PLPP4: variants seen among roughly 807,000 people sequenced by gnomAD.
PLPP4 encodes the protein diacylglycerol pyrophosphate like 2.
A neutral mutation model predicts 32.2 loss-of-function variants in PLPP4; 20 were observed. The ratio of observed to expected loss-of-function variants is 0.62; its 90% CI spans 0.44 to 0.90. PLPP4 has a LOEUF of 0.90. PLPP4 is among the 40% of genes least tolerant of loss of function. The pLI, the probability that PLPP4 is intolerant of heterozygous loss-of-function variation, is 0.00. For synonymous variants in PLPP4, 127 were observed against 133.0 expected, an observed-to-expected ratio of 0.95 and a Z score of 0.31; for missense variants, 257 against 353.1, an observed-to-expected ratio of 0.73 and a Z score of 2.18.
chr10:120,477,491 T>C (rs1238204376), intron 1 of PLPP4, among the ~76,000 whole-genome samples: 1 of 152,228 alleles, frequency 6.6e-6, no homozygotes, highest in Non-Finnish European at 1.5e-5. Flanking sequence ...ACCTCCCATT[T>C]TTCTGCTCGC....
At chr10:120,538,915 G>A (rs1847200165) in intron 5 of PLPP4, among the ~76,000 whole-genome samples, 1 of 152,142 alleles carries the variant, frequency 6.6e-6, no homozygotes, top group Non-Finnish European at 1.5e-5. Flanking sequence ...CACAGAGCTG[G>A]CATTTATACC....
At chr10:120,582,940 G>T (rs553763722) in intron 6 of PLPP4, among the ~76,000 whole-genome samples, 1 of 151,880 alleles carries the variant, frequency 6.6e-6, no homozygotes, top group East Asian at 1.9e-4. Context: ...GGGCTATTTT[G>T]CATACTTCCT....
At chr10:120,521,974 A>G (rs775359314) in intron 5 of PLPP4, among the ~76,000 whole-genome samples, 88 of 152,342 alleles carry the variant, frequency 5.8e-4, no homozygotes, top group Non-Finnish European at 1.0e-3. Context: ...TCATCCATTC[A>G]TCAGTTCATA....
At chr10:120,547,919 T>G (rs1458523863) in intron 5 of PLPP4, among the ~76,000 whole-genome samples, 1 of 152,184 alleles carries the variant, frequency 6.6e-6, no homozygotes, top group African/African-American at 2.4e-5. Flanking sequence ...GTTCATAATA[T>G]TATTATGAGG....
intron 1 of PLPP4, among the ~76,000 whole-genome samples, chr10:120,489,743 A>G (rs547440972): frequency 6.7e-6 from 1 of 150,080 alleles, no homozygotes; most frequent in Admixed American, 6.6e-5. Flanking sequence ...AGTTACATTT[A>G]AAAAAAAAAA....
At chr10:120,543,491 A>G (rs1165918100) in intron 5 of PLPP4, among the ~76,000 whole-genome samples, 4 of 152,144 alleles carry the variant, frequency 2.6e-5, no homozygotes, top group African/African-American at 9.7e-5. Flanking sequence ...CAGATGCTCA[A>G]TGCAATTAAA....
At chr10:120,493,513 C>G (rs1007104851) in intron 1 of PLPP4, among the ~76,000 whole-genome samples, 3 of 152,168 alleles carry the variant, frequency 2.0e-5, no homozygotes, top group African/African-American at 7.2e-5. Flanking sequence ...AGAGGCTTTG[C>G]ATTGGGAGCT....
chr10:120,581,774 C>A (rs1441085562), intron 6 of PLPP4, among the ~76,000 whole-genome samples: 1 of 150,848 alleles, frequency 6.6e-6, no homozygotes, highest in Non-Finnish European at 1.5e-5. Flanking sequence ...GCCCACTCCA[C>A]TTGAATTGCA....
chr10:120,544,230 C>T (rs1018898793), intron 5 of PLPP4, among the ~76,000 whole-genome samples: 5 of 152,182 alleles, frequency 3.3e-5, no homozygotes, highest in Admixed American at 1.3e-4. Flanking sequence ...TACATTTCCA[C>T]GAACAGTACA....
chr10:120,583,878 A>G (rs928712446), intron 6 of PLPP4, among the ~76,000 whole-genome samples: 2 of 152,184 alleles, frequency 1.3e-5, no homozygotes, highest in Admixed American at 1.3e-4. Flanking sequence ...GAAACAGGAA[A>G]CACCACTGGT....
intron 1 of PLPP4, among the ~76,000 whole-genome samples, chr10:120,499,294 T>G (rs1845124366): frequency 1.3e-5 from 2 of 152,176 alleles, no homozygotes; most frequent in African/African-American, 2.4e-5. Flanking sequence ...TTTCTATATT[T>G]TTTTCTCCCC....
chr10:120,475,798 G>A (rs1843875071), intron 1 of PLPP4, among the ~76,000 whole-genome samples: 1 of 152,168 alleles, frequency 6.6e-6, no homozygotes, highest in Non-Finnish European at 1.5e-5. Flanking sequence ...AAACCCAGAG[G>A]GCACCACATG....
intron 2 of PLPP4, among the ~76,000 whole-genome samples, chr10:120,507,764 G>T (rs2133876305): frequency 6.6e-6 from 1 of 152,306 alleles, no homozygotes; most frequent in South Asian, 2.1e-4. Flanking sequence ...AAGAAAGGGG[G>T]CAGGGATAGA....
intron 5 of PLPP4, among the ~76,000 whole-genome samples, chr10:120,538,238 G>C (rs573104476): frequency 1.8e-4 from 27 of 150,922 alleles, no homozygotes; most frequent in African/African-American, 6.1e-4. Flanking sequence ...CTCCCGGTGA[G>C]GCTGGGCTGC....
chr10:120,585,149 A>G (rs1849694352), intron 6 of PLPP4, among the ~76,000 whole-genome samples: 1 of 152,208 alleles, frequency 6.6e-6, no homozygotes, highest in Admixed American at 6.5e-5. Context: ...CTGGGGTTAG[A>G]GGAAAAACAA....
intron 2 of PLPP4, among the ~76,000 whole-genome samples, chr10:120,512,512 G>T (rs1845769550): frequency 6.6e-6 from 1 of 152,172 alleles, no homozygotes; most frequent in Non-Finnish European, 1.5e-5. Flanking sequence ...TTCCCAAAGA[G>T]GAGTCCCCGA....
At chr10:120,528,978 T>C (rs902410367) in intron 5 of PLPP4, among the ~76,000 whole-genome samples, 2 of 51,800 alleles carry the variant, frequency 3.9e-5, no homozygotes, top group African/African-American at 1.1e-4. Flanking sequence ...CCCTCATGTT[T>C]TTTTTTTTTC....
chr10:120,563,310 C>T (rs918790802), intron 5 of PLPP4, among the ~76,000 whole-genome samples: 9 of 152,116 alleles, frequency 5.9e-5, no homozygotes, highest in Admixed American at 5.2e-4. Flanking sequence ...ATAGATCAAA[C>T]ATAAATTGGA....
chr10:120,561,944 T>C (rs904764068), intron 5 of PLPP4, among the ~76,000 whole-genome samples: 7 of 152,220 alleles, frequency 4.6e-5, no homozygotes, highest in Non-Finnish European at 1.0e-4. Flanking sequence ...TCTTCGGAAG[T>C]GTCTTAGCTA....
Sources: allele counts gnomAD v4.1 joint callset (sites outside exome capture counted in the v4.1 genomes callset), GRCh38; gene constraint gnomAD v4.1.1; transcripts MANE v1.5; gene names NCBI Gene and HGNC (gene_info 2026-07-23, HGNC 2026-07-21).